Variants in ARIH1 observed in about 807,000 individuals in gnomAD.
ARIH1 encodes the protein ariadne RBR E3 ubiquitin protein ligase 1.
In ARIH1, 8 loss-of-function variants were observed where a neutral mutation model predicts 85.0. The observed-to-expected ratio is 0.09, with a 90% CI of 0.06 to 0.17. The LOEUF (loss-of-function observed/expected upper bound fraction) is 0.17, where lower values mean the gene tolerates loss of function less well. Among genes scored for constraint, ARIH1 ranks in the 10% least tolerant of loss-of-function variants. The probability of loss-of-function intolerance (pLI) is 1.00; values close to 1 mark genes in which losing one functional copy is unlikely to be tolerated. For missense variants in ARIH1, 311 were observed against 718.1 expected, an observed-to-expected ratio of 0.43 and a Z score of 6.48; for synonymous variants, 238 against 253.6, an observed-to-expected ratio of 0.94 and a Z score of 0.59.
chr15:72,495,823 A>T (rs1455048145), intron 1 of ARIH1, among the ~76,000 whole-genome samples: 1 of 152,164 alleles, frequency 6.6e-6, no homozygotes, highest in Non-Finnish European at 1.5e-5. Context: ...TTGTTTTTTT[A>T]AAATAGCTTT....
intron 2 of ARIH1, among the ~76,000 whole-genome samples, chr15:72,543,939 A>T (rs541929395): frequency 6.6e-6 from 1 of 152,136 alleles, no homozygotes; most frequent in South Asian, 2.1e-4. Context: ...ATTAATTGGA[A>T]ACATTGTGCT....
chr15:72,516,906 T>C (rs1461528159), intron 1 of ARIH1, among the ~76,000 whole-genome samples: 4 of 152,196 alleles, frequency 2.6e-5, no homozygotes, highest in Admixed American at 6.6e-5. Flanking sequence ...GAGATAAAAA[T>C]AAGCAGACAC....
intron 1 of ARIH1, among the ~76,000 whole-genome samples, chr15:72,507,804 G>T (rs1050591844): frequency 6.6e-6 from 1 of 152,218 alleles, no homozygotes; most frequent in African/African-American, 2.4e-5. Flanking sequence ...GACATAATCA[G>T]ACTTACTAAT....
chr15:72,580,562 G>T, intron 11 of ARIH1, 169 bp from the exon 12 acceptor site: 1 of 644,068 alleles, frequency 1.6e-6, no homozygotes, highest in Non-Finnish European at 2.6e-6. Flanking sequence ...AGTGTATCAA[G>T]AGTCTCCTTC....
At chr15:72,545,554 C>T (rs1005282197) in intron 3 of ARIH1, among the ~76,000 whole-genome samples, 5 of 152,226 alleles carry the variant, frequency 3.3e-5, no homozygotes, top group African/African-American at 1.2e-4. Flanking sequence ...AAGCTGGACT[C>T]AGTGGCTCAT....
At position 72,474,549 on chromosome 15, in the gene ARIH1, T is replaced by G; in HGVS notation, c.-91T>G. On this transcript the variant is annotated 5_prime_UTR_variant, in exon 1 of 14. Transcript: ENST00000379887. The stretch of plus-strand genomic sequence containing the variant: ...CCGGAGCCAGGCCTGCGTCCGGACA[T>G]CAGCCGGAGCCGGAGCGAGAGCCGG... 2 of 1,423,072 alleles carry G rather than the reference T, an allele frequency of 1.4e-6. No individual in the cohort carries two copies. Among genetic ancestry groups the G allele is most frequent in the Non-Finnish European group, 9.2e-7 (1 of 1,085,316 alleles). The allele number at this position is 1,423,072 out of a possible 1,614,324, so 88.2% of individuals were successfully genotyped here.
In ARIH1 at chr15:72,521,591, T is replaced by C. The variant is rs534696178; in HGVS notation, c.443+3457T>C. On this transcript the variant is annotated intron_variant, in intron 2 of 13. Coordinates refer to ENST00000379887, the MANE Select transcript of ARIH1 (RefSeq NM_005744.5). ...GGAGTCTTGCCTCTGTCAGCCAGGCTGGAGGGAGTGCAAGTGGTGCCATCT... is the reference window on the plus strand; with the variant it reads ...GGAGTCTTGCCTCTGTCAGCCAGGCCGGAGGGAGTGCAAGTGGTGCCATCT... Among the ~76,000 whole-genome samples, 3 of 152,242 alleles carry C rather than the reference T, an allele frequency of 2.0e-5. No individual in the cohort carries two copies. The East Asian group carries it at 5.8e-4, about 29-fold the overall frequency.
At chr15:72,581,099 G>T in intron 12 of ARIH1, 108 bp downstream of exon 12, 8 of 1,131,570 alleles carry the variant, frequency 7.1e-6, no homozygotes, top group Non-Finnish European at 1.0e-5. Flanking sequence ...TTCAGAACAT[G>T]TAGGTAGACG....
At chr15:72,511,558 G>A (rs1222567532) in intron 1 of ARIH1, among the ~76,000 whole-genome samples, 2 of 152,132 alleles carry the variant, frequency 1.3e-5, no homozygotes, top group African/African-American at 4.8e-5. Context: ...ACACACCTTG[G>A]CCTCTCAAAG....
intron 1 of ARIH1, among the ~76,000 whole-genome samples, chr15:72,503,396 A>G (rs986475565): frequency 5.3e-5 from 8 of 152,090 alleles, no homozygotes; most frequent in Non-Finnish European, 8.8e-5. Context: ...GACAGTGGCA[A>G]CTTCCTGATT....
chr15:72,485,990 T>A (rs146695536), intron 1 of ARIH1, among the ~76,000 whole-genome samples: 230 of 152,340 alleles, frequency 1.5e-3, no homozygotes, highest in African/African-American at 5.4e-3. Context: ...TTGCATTATT[T>A]TCAGTGTTTT....
intron 1 of ARIH1, among the ~76,000 whole-genome samples, chr15:72,514,577 A>G (rs1341712981): frequency 2.6e-5 from 4 of 151,926 alleles, no homozygotes; most frequent in Admixed American, 2.6e-4. Flanking sequence ...ACGGTGGTGC[A>G]TGCCTGTAGT....
intron 7 of ARIH1, among the ~76,000 whole-genome samples, chr15:72,565,897 C>T (rs74641934): frequency 6.4e-4 from 98 of 152,170 alleles, no homozygotes; most frequent in Non-Finnish European, 8.8e-4. Flanking sequence ...TTTTGCCATT[C>T]GTAAATTACT....
chr15:72,539,894 C>CT (rs2064098881), intron 2 of ARIH1, among the ~76,000 whole-genome samples: 1 of 152,064 alleles, frequency 6.6e-6, no homozygotes, highest in Non-Finnish European at 1.5e-5. Context: ...AGAATTATGT[C>CT]TAAGTAGTTG....
chr15:72,580,569 C>T (rs2064291518), intron 11 of ARIH1, 162 bp from the exon 12 acceptor site: 2 of 681,220 alleles, frequency 2.9e-6, no homozygotes, highest in African/African-American at 1.8e-5. Context: ...CAAGAGTCTC[C>T]TTCTTTCTTT....
chr15:72,525,251 C>T (rs539173554), intron 2 of ARIH1, among the ~76,000 whole-genome samples: 320 of 152,010 alleles, frequency 2.1e-3, no homozygotes, highest in Middle Eastern at 6.8e-3. Context: ...AAAATTTTTT[C>T]GTTTATAACA....
At chr15:72,538,386 G>A (rs2064092203) in intron 2 of ARIH1, among the ~76,000 whole-genome samples, 1 of 152,074 alleles carries the variant, frequency 6.6e-6, no homozygotes. Flanking sequence ...GTAAATAAAG[G>A]AATACAGCGT....
chr15:72,494,586 G>A (rs1037885023), intron 1 of ARIH1, among the ~76,000 whole-genome samples: 8 of 152,152 alleles, frequency 5.3e-5, no homozygotes, highest in African/African-American at 1.9e-4. Flanking sequence ...GTGCTGTTGA[G>A]ATGGACTTAA....
chr15:72,581,930 C>A, intron 12 of ARIH1, 145 bp from the exon 13 acceptor site: 1 of 531,662 alleles, frequency 1.9e-6, no homozygotes, highest in Non-Finnish European at 3.4e-6. Flanking sequence ...AGATGAAAGC[C>A]CATAGAGCTT....
Sources: allele counts gnomAD v4.1 joint callset (sites outside exome capture counted in the v4.1 genomes callset), GRCh38; gene constraint gnomAD v4.1.1; transcripts MANE v1.5; gene names NCBI Gene and HGNC (gene_info 2026-07-23, HGNC 2026-07-21).